TSHZ2: variants seen among roughly 807,000 people sequenced by gnomAD.
TSHZ2 encodes the protein teashirt homolog 2.
Under a neutral mutation model 74.4 loss-of-function variants are expected in TSHZ2, and 21 were observed. The observed-to-expected ratio is 0.28, with a 90% CI of 0.20 to 0.41. TSHZ2 has a LOEUF of 0.41. Among genes scored for constraint, TSHZ2 ranks in the 10% least tolerant of loss-of-function variants. TSHZ2 has a pLI of 1.00. For synonymous variants in TSHZ2, 540 were observed against 515.3 expected (o/e 1.05, Z -0.65); for missense variants, 1,244 against 1,293.5 (o/e 0.96, Z 0.59).
intron 1 of TSHZ2, among the ~76,000 whole-genome samples, chr20:52,994,902 G>A (rs1982124845): frequency 6.6e-6 from 1 of 152,164 alleles, no homozygotes; most frequent in African/African-American, 2.4e-5. Context: ...ACATTACAGT[G>A]CACTTGAGGC....
intron 1 of TSHZ2, among the ~76,000 whole-genome samples, chr20:53,041,045 C>T (rs961096806): frequency 3.9e-5 from 6 of 152,188 alleles, no homozygotes; most frequent in African/African-American, 1.2e-4. Context: ...GAAGCTGAGC[C>T]GTCTCCTAAG....
chr20:53,027,714 G>T (rs1014260774), intron 1 of TSHZ2, among the ~76,000 whole-genome samples: 2 of 151,978 alleles, frequency 1.3e-5, no homozygotes, highest in Non-Finnish European at 2.9e-5. Context: ...AGTTAAGATC[G>T]TGCCACTACA....
In TSHZ2 at chr20:53,129,186, C is replaced by A. The variant is rs1016759811; in HGVS notation, c.41-124313C>A. Reference sequence around the variant, plus strand: ...TTTATTTTTGTCAGTAATATAAAAACTTTTATTATTTTAGGGCAATACTTC... The same window carrying A: ...TTTATTTTTGTCAGTAATATAAAAAATTTTATTATTTTAGGGCAATACTTC... On this transcript the variant is annotated intron_variant, in intron 1 of 2. Transcript: ENST00000371497. Among the ~76,000 whole-genome samples, 3 of 152,126 alleles carry A rather than the reference C, an allele frequency of 2.0e-5. No homozygotes were observed. In the East Asian group the frequency reaches 5.8e-4, roughly 29 times the overall value.
At chr20:53,034,969 T>TC (rs1330037519) in intron 1 of TSHZ2, among the ~76,000 whole-genome samples, 1 of 152,012 alleles carries the variant, frequency 6.6e-6, no homozygotes, top group African/African-American at 2.4e-5. Context: ...ATTATAGAGA[T>TC]CAGGATAGCA....
intron 2 of TSHZ2, among the ~76,000 whole-genome samples, chr20:53,323,502 GT>G (rs1343383618): frequency 2.1e-5 from 3 of 142,300 alleles, no homozygotes; most frequent in Non-Finnish European, 4.5e-5. Context: ...GGATGACTTG[GT>G]TTCAGTTCTA....
chr20:53,246,036 C>CTTTTTTTTTTTTT lies in TSHZ2; in HGVS notation c.41-7460_41-7459insTTTTTTTTTTTTT, dbSNP rs201257665. ...CAGCTGTGCTTTTCTTTCTTTCTTT[C>CTTTTTTTTTTTTT]TTTCTTTTTTTTTTTTTGTTTGAGA... On this transcript the variant is annotated intron_variant, in intron 1 of 2. Transcript: ENST00000371497. Among the ~76,000 whole-genome samples the CTTTTTTTTTTTTT allele has an allele frequency of 5.8e-3, 736 of 126,322 alleles. 13 individuals carry two copies. The highest frequency in any genetic ancestry group is 0.023 in the African/African-American group (702 of 31,082). 82.9% of individuals were successfully genotyped at this position (126,322 alleles called of 152,430 possible).
At chr20:53,019,566 G>T (rs147496864) in intron 1 of TSHZ2, among the ~76,000 whole-genome samples, 1 of 152,252 alleles carries the variant, frequency 6.6e-6, no homozygotes, top group African/African-American at 2.4e-5. Context: ...CTGTGATATT[G>T]ACCCCCATAG....
At chr20:53,316,308 C>T (rs1485366268) in intron 2 of TSHZ2, among the ~76,000 whole-genome samples, 1 of 152,076 alleles carries the variant, frequency 6.6e-6, no homozygotes, top group Admixed American at 6.5e-5. Flanking sequence ...GTATTACATG[C>T]TGGGAGCACA....
intron 1 of TSHZ2, among the ~76,000 whole-genome samples, chr20:53,156,783 G>T (rs573427616): frequency 2.0e-5 from 3 of 151,920 alleles, no homozygotes; most frequent in Admixed American, 1.3e-4. Flanking sequence ...TTTTTTTTCT[G>T]GCCTACTTCA....
At chr20:53,080,622 G>A (rs145842810) in intron 1 of TSHZ2, among the ~76,000 whole-genome samples, 18 of 152,172 alleles carry the variant, frequency 1.2e-4, no homozygotes, top group African/African-American at 4.3e-4. Context: ...TAGATCCCTC[G>A]CATACACAGT....
At chr20:53,453,911 T>A (rs1354126208) in intron 2 of TSHZ2, among the ~76,000 whole-genome samples, 1 of 152,156 alleles carries the variant, frequency 6.6e-6, no homozygotes, top group Non-Finnish European at 1.5e-5. Context: ...GGACCTCTTC[T>A]TCTAGAATGG....
At chr20:53,052,738 A>G (rs558655434) in intron 1 of TSHZ2, among the ~76,000 whole-genome samples, 4 of 152,188 alleles carry the variant, frequency 2.6e-5, no homozygotes, top group Admixed American at 1.3e-4. Context: ...GCTATTACGA[A>G]TAATGCTACT....
At chr20:53,436,539 A>ATTTTTTTTTTTTTTTTTTTT (rs1368192791) in intron 2 of TSHZ2, among the ~76,000 whole-genome samples, 3 of 90,036 alleles carry the variant, frequency 3.3e-5, no homozygotes, top group African/African-American at 4.7e-5. Context: ...TATTATTATT[A>ATTTTTTTTTTTTTTTTTTTT]TTATTATTAT....
chr20:53,040,769 C>T (rs900845072), intron 1 of TSHZ2, among the ~76,000 whole-genome samples: 14 of 152,162 alleles, frequency 9.2e-5, no homozygotes, highest in Admixed American at 5.2e-4. Flanking sequence ...TACCCAGGTG[C>T]GGTGTCTTCC....
chr20:53,296,744 T>C (rs1003386194), intron 2 of TSHZ2, among the ~76,000 whole-genome samples: 1 of 152,220 alleles, frequency 6.6e-6, no homozygotes, highest in Non-Finnish European at 1.5e-5. Flanking sequence ...TCTTATCTTT[T>C]CCCTGTTCAA....
intron 2 of TSHZ2, among the ~76,000 whole-genome samples, chr20:53,322,448 G>C (rs1600809732): frequency 6.6e-6 from 1 of 152,008 alleles, no homozygotes; most frequent in East Asian, 1.9e-4. Flanking sequence ...AAGAGGTGGA[G>C]GTTGCAATGA....
chr20:53,463,169 T>A (rs778763479), intron 2 of TSHZ2, among the ~76,000 whole-genome samples: 10 of 152,194 alleles, frequency 6.6e-5, no homozygotes, highest in Admixed American at 4.6e-4. Context: ...TATGCAGTGG[T>A]GCACTGCACT....
intron 2 of TSHZ2, among the ~76,000 whole-genome samples, chr20:53,368,361 G>A (rs1272315158): frequency 1.3e-5 from 2 of 152,180 alleles, no homozygotes; most frequent in African/African-American, 4.8e-5. Context: ...CCAGGCTGGT[G>A]TGCAGTGGTG....
chr20:53,106,854 C>G (rs891094501), intron 1 of TSHZ2, among the ~76,000 whole-genome samples: 1 of 151,772 alleles, frequency 6.6e-6, no homozygotes, highest in African/African-American at 2.4e-5. Flanking sequence ...TGCACCACCA[C>G]GCCCAGCTAA....
Sources: allele counts gnomAD v4.1 joint callset (sites outside exome capture counted in the v4.1 genomes callset), GRCh38; gene constraint gnomAD v4.1.1; transcripts MANE v1.5; gene names NCBI Gene and HGNC (gene_info 2026-07-23, HGNC 2026-07-21).